Variants in NALF1 observed in about 807,000 individuals in gnomAD.
NALF1 encodes NALCN channel auxiliary factor 1.
NALF1 carries 3 observed loss-of-function variants against 48.4 expected under a neutral mutation model. The observed-to-expected ratio is 0.06, with a 90% CI of 0.03 to 0.16. The LOEUF is 0.16. Among genes scored for constraint, NALF1 ranks in the 10% least tolerant of loss-of-function variants. The pLI is 1.00. For missense variants in NALF1, 526 were observed against 571.5 expected (o/e 0.92, Z 0.81); for synonymous variants, 262 against 245.7 (o/e 1.07, Z -0.62).
intron 1 of NALF1, among the ~76,000 whole-genome samples, chr13:107,740,630 T>G (rs1242369305): frequency 2.6e-5 from 4 of 152,210 alleles, no homozygotes. Context: ...TTTCAAACAT[T>G]TTTCCATAAA....
At chr13:107,785,349 A>G (rs1014417939) in intron 1 of NALF1, among the ~76,000 whole-genome samples, 1 of 152,128 alleles carries the variant, frequency 6.6e-6, no homozygotes, top group African/African-American at 2.4e-5. Flanking sequence ...CATGGTCTAT[A>G]TGATGGAATA....
chr13:107,701,541 A>G (rs1443507546), intron 1 of NALF1, among the ~76,000 whole-genome samples: 4 of 152,266 alleles, frequency 2.6e-5, no homozygotes, highest in African/African-American at 9.6e-5. Flanking sequence ...CGTGGGTCAA[A>G]AGACACAAAC....
intron 1 of NALF1, among the ~76,000 whole-genome samples, chr13:107,243,519 A>G (rs576366126): frequency 5.7e-4 from 87 of 152,172 alleles, no homozygotes; most frequent in Non-Finnish European, 1.1e-3. Flanking sequence ...TCTCTAAAAG[A>G]CCTAGGACCA....
Position 107,432,739 on chromosome 13 carries a change from T to C in NALF1, c.916-221984A>G, listed in dbSNP as rs146243112. ...TTTCCCTGGGGGTCTCATGTTCCCATAGTCATGTCTGGTCCCAGCCTGTTA... is the reference window on the plus strand; with the variant it reads ...TTTCCCTGGGGGTCTCATGTTCCCACAGTCATGTCTGGTCCCAGCCTGTTA... On this transcript the variant is annotated intron_variant, in intron 1 of 2. Transcript: ENST00000375915. 5.9e-4 allele frequency among the ~76,000 whole-genome samples: 90 copies of C among 152,312 alleles called. 2 individuals are homozygous for C. The East Asian group carries it at 0.016, about 27-fold the overall frequency.
chr13:107,737,345 T>C (rs1284089496), intron 1 of NALF1, among the ~76,000 whole-genome samples: 1 of 152,216 alleles, frequency 6.6e-6, no homozygotes, highest in Non-Finnish European at 1.5e-5. Context: ...CCAAATTATT[T>C]TAAATAGTTT....
chr13:107,382,615 T>C (rs1490285275), intron 1 of NALF1, among the ~76,000 whole-genome samples: 1 of 152,190 alleles, frequency 6.6e-6, no homozygotes, highest in Non-Finnish European at 1.5e-5. Context: ...TGTCAGGGAC[T>C]GATCTGAGAT....
At chr13:107,384,969 T>C (rs1376517945) in intron 1 of NALF1, among the ~76,000 whole-genome samples, 1 of 152,186 alleles carries the variant, frequency 6.6e-6, no homozygotes, top group African/African-American at 2.4e-5. Context: ...CATTATTCCC[T>C]GTAAATCTGT....
intron 1 of NALF1, among the ~76,000 whole-genome samples, chr13:107,305,632 T>C (rs559895579): frequency 6.6e-6 from 1 of 152,276 alleles, no homozygotes; most frequent in East Asian, 1.9e-4. Flanking sequence ...ACTGCCAAAC[T>C]AACCCACATG....
At chr13:107,661,548 CAG>C (rs1362938259) in intron 1 of NALF1, among the ~76,000 whole-genome samples, 1 of 151,722 alleles carries the variant, frequency 6.6e-6, no homozygotes, top group Admixed American at 6.5e-5. Flanking sequence ...AAAGGCCTAA[CAG>C]AGAAGCTTCC....
chr13:107,714,349 C>G lies in NALF1; in HGVS notation c.915+151333G>C, dbSNP rs568565019. ...ATGAGACTTGACACTATGAAATCCC[C>G]CTAAGGCACCCCTTTCTCAAAACAT... On this transcript the variant is annotated intron_variant, in intron 1 of 2. Coordinates refer to ENST00000375915, the MANE Select transcript of NALF1 (RefSeq NM_001080396.3). Among the ~76,000 whole-genome samples the G allele has an allele frequency of 6.6e-5, 10 of 152,182 alleles. 1 individual carries two copies. The highest frequency in any genetic ancestry group is 2.4e-4 in the African/African-American group (10 of 41,528).
intron 1 of NALF1, among the ~76,000 whole-genome samples, chr13:107,619,442 C>G (rs1188091796): frequency 6.6e-6 from 1 of 152,148 alleles, no homozygotes; most frequent in African/African-American, 2.4e-5. Flanking sequence ...TGCCTTGCAG[C>G]ATAGCCACAG....
At chr13:107,521,625 T>G in intron 1 of NALF1, among the ~76,000 whole-genome samples, 1 of 152,160 alleles carries the variant, frequency 6.6e-6, no homozygotes, top group Non-Finnish European at 1.5e-5. Flanking sequence ...TAAATTATGC[T>G]TTGCTTTTGT....
chr13:107,781,634 C>G (rs963759640), intron 1 of NALF1, among the ~76,000 whole-genome samples: 1 of 151,638 alleles, frequency 6.6e-6, no homozygotes, highest in Non-Finnish European at 1.5e-5. Flanking sequence ...ATGACAGAAT[C>G]AAAGATGTGC....
chr13:107,311,481 T>C (rs1036259095), intron 1 of NALF1, among the ~76,000 whole-genome samples: 18 of 151,936 alleles, frequency 1.2e-4, no homozygotes, highest in African/African-American at 4.1e-4. Flanking sequence ...GGCTTAGATG[T>C]AAAGGCTGTT....
intron 1 of NALF1, among the ~76,000 whole-genome samples, chr13:107,428,920 T>TTAGG (rs1884328029): frequency 6.6e-6 from 1 of 152,230 alleles, no homozygotes; most frequent in Non-Finnish European, 1.5e-5. Context: ...CAAAGGTCAA[T>TTAGG]TCTTCAGTCT....
intron 1 of NALF1, among the ~76,000 whole-genome samples, chr13:107,473,012 T>C (rs189877481): frequency 6.6e-6 from 1 of 152,322 alleles, no homozygotes; most frequent in Admixed American, 6.5e-5. Context: ...CACTGCTCAC[T>C]TTCCCACTTT....
intron 1 of NALF1, among the ~76,000 whole-genome samples, chr13:107,215,570 C>A (rs879818203): frequency 2.0e-5 from 3 of 152,026 alleles, no homozygotes; most frequent in Non-Finnish European, 2.9e-5. Flanking sequence ...AGGGGGAGTA[C>A]TTTGCTTCCT....
intron 1 of NALF1, among the ~76,000 whole-genome samples, chr13:107,721,914 G>A (rs947682754): frequency 6.6e-6 from 1 of 152,146 alleles, no homozygotes; most frequent in Non-Finnish European, 1.5e-5. Context: ...TTTGAACGAG[G>A]CTTTTGGCGT....
intron 1 of NALF1, among the ~76,000 whole-genome samples, chr13:107,383,584 A>T (rs1883476804): frequency 6.6e-6 from 1 of 151,378 alleles, no homozygotes; most frequent in African/African-American, 2.4e-5. Context: ...CTTAAAAAGA[A>T]AAAAAAAAGA....
Sources: gnomAD v4.1 joint callset for allele counts (sites outside exome capture counted in the v4.1 genomes callset) on GRCh38, gnomAD v4.1.1 for gene constraint, MANE v1.5 for transcripts, NCBI Gene and HGNC (gene_info 2026-07-23, HGNC 2026-07-21) for gene names.